MORC1: variants seen among roughly 807,000 people sequenced by gnomAD.
MORC1 encodes MORC family CW-type zinc finger protein 1.
MORC1 carries 59 observed loss-of-function variants against 134.9 expected under a neutral mutation model. The ratio of observed to expected loss-of-function variants is 0.44; its 90% CI spans 0.35 to 0.54. The LOEUF is 0.54. MORC1 is among the 20% of genes least tolerant of loss of function. MORC1 has a pLI of 0.00. For synonymous variants in MORC1, 395 were observed against 391.7 expected (o/e 1.01, Z -0.10); for missense variants, 947 against 1,134.5 (o/e 0.83, Z 2.37).
chr3:109,027,778 T>C lies in MORC1; in HGVS notation c.1677A>G (p.Gln559=). Residue 559 remains glutamine (Q), a synonymous_variant, in exon 17 of 28, where the codon CAA becomes CAG. Transcript: ENST00000232603. ...GTGGCTGCTGTTCTGCCAGTCTATT[T>C]TGATACTTTATGACCGACTCTCTAA... ...KQLRESVIKY[Q]NRLAEQQPQP... The C allele has an allele frequency of 6.2e-7, 1 of 1,613,936 alleles. No individual in the cohort carries two copies. Among genetic ancestry groups the C allele is most frequent in the Non-Finnish European group, 8.5e-7 (1 of 1,179,860 alleles).
chr3:108,983,982 A>T (rs1472634244), intron 23 of MORC1, among the ~76,000 whole-genome samples: 2 of 152,312 alleles, frequency 1.3e-5, no homozygotes, highest in Non-Finnish European at 1.5e-5. Flanking sequence ...GGAGTTTGTG[A>T]CTTACCTTAA....
chr3:109,005,897 C>T (rs1948526599), intron 18 of MORC1, among the ~76,000 whole-genome samples: 1 of 152,170 alleles, frequency 6.6e-6, no homozygotes. Flanking sequence ...GTAACCCTCT[C>T]CGCAACAGTG....
chr3:109,077,202 A>G, intron 8 of MORC1, among the ~76,000 whole-genome samples: 1 of 152,196 alleles, frequency 6.6e-6, no homozygotes, highest in East Asian at 1.9e-4. Flanking sequence ...ACACTTGTAG[A>G]GATACAAAGC....
intron 22 of MORC1, among the ~76,000 whole-genome samples, chr3:108,985,631 A>G (rs1486904909): frequency 6.6e-6 from 1 of 152,212 alleles, no homozygotes; most frequent in Non-Finnish European, 1.5e-5. Flanking sequence ...CTGACTTGCA[A>G]TGCAAAGTGA....
intron 24 of MORC1, 52 bp downstream of exon 24, chr3:108,979,463 T>G: frequency 6.3e-7 from 1 of 1,588,514 alleles, no homozygotes; most frequent in Non-Finnish European, 8.6e-7. Flanking sequence ...GAGTTGTCAC[T>G]GCTTAGAAAG....
At chr3:109,080,136 C>T (rs1370349025) in intron 8 of MORC1, among the ~76,000 whole-genome samples, 4 of 152,108 alleles carry the variant, frequency 2.6e-5, no homozygotes, top group Non-Finnish European at 4.4e-5. Flanking sequence ...TCCATTTTCA[C>T]ACTGCTGATA....
intron 27 of MORC1, 22 bp from the exon 28 acceptor site, chr3:108,959,142 C>G (rs756726542): frequency 3.2e-5 from 50 of 1,565,792 alleles, no homozygotes; most frequent in Non-Finnish European, 4.3e-5. Context: ...AAGCAACAGT[C>G]ACACCAGGGA....
intron 8 of MORC1, among the ~76,000 whole-genome samples, chr3:109,079,292 G>A (rs1576719477): frequency 6.6e-6 from 1 of 152,006 alleles, no homozygotes; most frequent in East Asian, 1.9e-4. Context: ...TTTATCTGAG[G>A]AATGCAAAGA....
intron 8 of MORC1, 44 bp from the exon 9 acceptor site, chr3:109,069,801 A>G: frequency 6.5e-7 from 1 of 1,547,416 alleles, no homozygotes; most frequent in Non-Finnish European, 8.8e-7. Flanking sequence ...AGGACACAAC[A>G]ACTACATCTC....
In MORC1 at chr3:109,114,442, T is replaced by C. The variant is rs548535359; in HGVS notation, c.66-5A>G. ...AAAAGGAAACTGTGAGTGGTGCTGA[T>C]GAAGAAATAAAGAGAAAACAAAAAG... On this transcript the variant is annotated splice_polypyrimidine_tract_variant and splice_region_variant and intron_variant, in intron 1 of 27. Coordinates refer to ENST00000232603, the MANE Select transcript of MORC1 (RefSeq NM_014429.4). 6 of 1,612,278 alleles carry C rather than the reference T, an allele frequency of 3.7e-6. No homozygotes were observed. In the Admixed American group the frequency reaches 5.0e-5, roughly 13 times the overall value.
intron 3 of MORC1, among the ~76,000 whole-genome samples, chr3:109,108,625 C>T (rs979426288): frequency 6.6e-6 from 1 of 152,056 alleles, no homozygotes; most frequent in Non-Finnish European, 1.5e-5. Context: ...CAGCCAGGCG[C>T]GGTGGCTCAA....
intron 24 of MORC1, among the ~76,000 whole-genome samples, chr3:108,976,284 A>G (rs762709506): frequency 6.6e-6 from 1 of 152,212 alleles, no homozygotes; most frequent in Admixed American, 6.5e-5. Flanking sequence ...AACACCCTTT[A>G]TACTTCAAAG....
chr3:109,044,668 G>C (rs915566782), intron 14 of MORC1, among the ~76,000 whole-genome samples: 2 of 150,996 alleles, frequency 1.3e-5, no homozygotes, highest in African/African-American at 2.4e-5. Context: ...AAATGTGTGG[G>C]GCATGGTGGC....
At chr3:109,027,215 C>A (rs1949097903) in intron 17 of MORC1, among the ~76,000 whole-genome samples, 3 of 152,182 alleles carry the variant, frequency 2.0e-5, no homozygotes. Context: ...AATTTTTCTA[C>A]ATGCCACATT....
intron 24 of MORC1, among the ~76,000 whole-genome samples, chr3:108,978,799 C>T (rs1028272710): frequency 1.3e-5 from 2 of 152,070 alleles, no homozygotes; most frequent in Admixed American, 6.5e-5. Context: ...TTCCCTGGCC[C>T]GAGCATCTCA....
intron 22 of MORC1, among the ~76,000 whole-genome samples, chr3:108,986,137 A>C (rs1947887081): frequency 6.6e-6 from 1 of 152,210 alleles, no homozygotes; most frequent in East Asian, 1.9e-4. Flanking sequence ...AAGATCTTTA[A>C]AACTTATTTC....
At position 109,092,150 on chromosome 3, in the gene MORC1, G is replaced by A. The variant is rs534020800; in HGVS notation, c.689+1286C>T. Among the ~76,000 whole-genome samples the A allele has an allele frequency of 6.4e-4, 97 of 152,210 alleles. 1 individual carries two copies. The highest frequency in any genetic ancestry group is 2.1e-3 in the African/African-American group (87 of 41,528). ...AGTAATAGAGATGCTGAAAATTCTGGGACTCCTTTCTGACACCGGCATATT... is the reference window on the plus strand; with the variant it reads ...AGTAATAGAGATGCTGAAAATTCTGAGACTCCTTTCTGACACCGGCATATT... On this transcript the variant is annotated intron_variant, in intron 8 of 27. Transcript: ENST00000232603.
chr3:108,973,732 G>A (rs752869927), intron 24 of MORC1, among the ~76,000 whole-genome samples: 3 of 151,498 alleles, frequency 2.0e-5, no homozygotes, highest in Non-Finnish European at 4.4e-5. Flanking sequence ...GAGTAGCTGG[G>A]ATTACAGGCG....
intron 3 of MORC1, among the ~76,000 whole-genome samples, chr3:109,108,353 G>A (rs1951082915): frequency 6.6e-6 from 1 of 152,152 alleles, no homozygotes; most frequent in South Asian, 2.1e-4. Context: ...CGTGGATTCT[G>A]ATTACATTTG....
Sources: gnomAD v4.1 joint callset for allele counts (sites outside exome capture counted in the v4.1 genomes callset) on GRCh38, gnomAD v4.1.1 for gene constraint, MANE v1.5 for transcripts, NCBI Gene and HGNC (gene_info 2026-07-23, HGNC 2026-07-21) for gene names.